Variants in CDH18 observed in about 807,000 individuals in gnomAD.
The protein encoded by CDH18 is cadherin-18.
Under a neutral mutation model 67.9 loss-of-function variants are expected in CDH18, and 31 were observed. The observed-to-expected ratio is 0.46, with a 90% CI of 0.34 to 0.62. The LOEUF (loss-of-function observed/expected upper bound fraction) is 0.62, where lower values mean the gene tolerates loss of function less well. Ranked by LOEUF, CDH18 falls within the 20% of genes least tolerant of loss-of-function variation. The pLI is 0.01. For synonymous variants in CDH18, 362 were observed against 347.2 expected (o/e 1.04, Z -0.48); for missense variants, 890 against 975.5 (o/e 0.91, Z 1.17).
At chr5:20,512,079 TG>T (rs1393827648) in intron 1 of CDH18, among the ~76,000 whole-genome samples, 1 of 151,694 alleles carries the variant, frequency 6.6e-6, no homozygotes, top group Non-Finnish European at 1.5e-5. Flanking sequence ...AAAAATTAGT[TG>T]GGTGTGCTGG....
At position 20,330,610 on chromosome 5, in the gene CDH18, A is replaced by C. The variant is rs1739080217; in HGVS notation, c.-579-75105T>G. ...TCTAGCAACATTTGATTGGTAGGTA[A>C]AGAACACCTCAAGTGAGCATGCTTA... On this transcript the variant is annotated intron_variant, in intron 1 of 14. Coordinates refer to the CDH18 transcript ENST00000507958. Among the ~76,000 whole-genome samples the C allele has an allele frequency of 3.9e-5, 6 of 152,272 alleles. 1 individual carries two copies. In the South Asian group the frequency reaches 1.2e-3, roughly 32 times the overall value.
At chr5:20,383,906 TAA>T (rs1015317114) in intron 1 of CDH18, among the ~76,000 whole-genome samples, 19 of 152,106 alleles carry the variant, frequency 1.2e-4, no homozygotes, top group African/African-American at 4.3e-4. Flanking sequence ...AATTGATATA[TAA>T]GTGACAATAT....
chr5:20,372,024 T>C (rs1021200356), intron 1 of CDH18, among the ~76,000 whole-genome samples: 2 of 152,226 alleles, frequency 1.3e-5, no homozygotes, highest in Non-Finnish European at 2.9e-5. Flanking sequence ...GAAGGTGATA[T>C]TGATAACTTC....
chr5:19,576,635 T>A (rs888242904), intron 7 of CDH18, among the ~76,000 whole-genome samples: 1 of 152,128 alleles, frequency 6.6e-6, no homozygotes, highest in Non-Finnish European at 1.5e-5. Flanking sequence ...AACACAGGAC[T>A]GTGGTTTTGT....
chr5:19,877,834 G>A (rs1471511843), intron 2 of CDH18, among the ~76,000 whole-genome samples: 1 of 152,024 alleles, frequency 6.6e-6, no homozygotes, highest in African/African-American at 2.4e-5. Flanking sequence ...CTTAAGATCT[G>A]GGAAAAGTTG....
intron 8 of CDH18, among the ~76,000 whole-genome samples, chr5:19,552,101 C>T (rs1737555796): frequency 6.6e-6 from 1 of 152,072 alleles, no homozygotes; most frequent in African/African-American, 2.4e-5. Flanking sequence ...CGTGTCTTAC[C>T]TATCCAGGCC....
chr5:19,839,053 A>G lies in CDH18; in HGVS notation c.-67T>C. ...TGTCAGCTACGAAAGCTTAGTGAGC[A>G]TTCAAGAGAGAAGCCAGAGCATCTT... On this transcript the variant is annotated 5_prime_UTR_variant, in exon 3 of 13. The change abolishes an upstream ATG in the 5' untranslated region. Transcript: ENST00000382275. 7.9e-7 allele frequency: 1 copy of G among 1,269,488 alleles called. No individual in the cohort carries two copies. Among genetic ancestry groups the G allele is most frequent in the Middle Eastern group, 1.9e-4 (1 of 5,370 alleles). 78.6% of individuals were successfully genotyped at this position (1,269,488 alleles called of 1,614,324 possible). A position where few individuals can be genotyped will look rare whatever the true frequency, so the allele number is the denominator to read the frequency against.
chr5:19,924,568 G>A (rs1036025512), intron 2 of CDH18, among the ~76,000 whole-genome samples: 7 of 152,156 alleles, frequency 4.6e-5, no homozygotes, highest in African/African-American at 1.4e-4. Flanking sequence ...GGTGATTGCA[G>A]TGAGCCCAGA....
chr5:20,449,268 G>A (rs920174804), intron 1 of CDH18, among the ~76,000 whole-genome samples: 6 of 152,068 alleles, frequency 3.9e-5, no homozygotes, highest in African/African-American at 1.4e-4. Context: ...AAATTGGAAA[G>A]AAGTTAGTGA....
At position 19,960,571 on chromosome 5, in the gene CDH18, G is replaced by A. The variant is rs868427215; in HGVS notation, c.-257+20489C>T. Reference sequence around the variant, plus strand: ...CGTGTGTGTGTGTGTATGTGTGTGTGTGTGTGTGTGTGTGTGTGTATATAT... The same window carrying A: ...CGTGTGTGTGTGTGTATGTGTGTGTATGTGTGTGTGTGTGTGTGTATATAT... On this transcript the variant is annotated intron_variant, in intron 2 of 12. Coordinates refer to ENST00000382275, the MANE Select transcript of CDH18 (RefSeq NM_004934.5). Among the ~76,000 whole-genome samples the A allele has an allele frequency of 8.9e-4, 111 of 124,460 alleles. 11 individuals are homozygous for A. The highest frequency in any genetic ancestry group is 4.5e-3 in the African/African-American group (105 of 23,124). 81.7% of individuals were successfully genotyped at this position (124,460 alleles called of 152,430 possible). A position where few individuals can be genotyped will look rare whatever the true frequency, so the allele number is the denominator to read the frequency against.
At chr5:20,168,779 T>A (rs1365928454) in intron 2 of CDH18, among the ~76,000 whole-genome samples, 1 of 152,112 alleles carries the variant, frequency 6.6e-6, no homozygotes, top group Non-Finnish European at 1.5e-5. Context: ...GAAAATGTGG[T>A]ACACAAACAA....
At chr5:19,655,411 T>C (rs2150288379) in intron 5 of CDH18, among the ~76,000 whole-genome samples, 1 of 151,778 alleles carries the variant, frequency 6.6e-6, no homozygotes, top group Non-Finnish European at 1.5e-5. Flanking sequence ...TGAATATATA[T>C]ATATTCACTA....
intron 5 of CDH18, among the ~76,000 whole-genome samples, chr5:19,694,186 T>A (rs529131298): frequency 1.3e-5 from 2 of 152,306 alleles, no homozygotes; most frequent in South Asian, 4.1e-4. Context: ...TTAATTTTTT[T>A]ATATATGTAT....
chr5:19,858,471 T>C (rs1456619479), intron 2 of CDH18, among the ~76,000 whole-genome samples: 1 of 152,178 alleles, frequency 6.6e-6, no homozygotes, highest in Non-Finnish European at 1.5e-5. Flanking sequence ...TGTGGCTTGA[T>C]AGCGCCAATA....
intron 1 of CDH18, among the ~76,000 whole-genome samples, chr5:20,532,638 C>A (rs953509267): frequency 1.3e-5 from 2 of 152,052 alleles, no homozygotes; most frequent in Non-Finnish European, 2.9e-5. Flanking sequence ...CATCTCTTAT[C>A]CCAGAATGTT....
In CDH18 at chr5:20,327,960, A is replaced by C. The variant is rs374774423; in HGVS notation, c.-579-72455T>G. On this transcript the variant is annotated intron_variant, in intron 1 of 14. Coordinates refer to the CDH18 transcript ENST00000507958. ...TCTGAAGGAAATAACAGTGACAACTATGTGAATATGTGGGGTTTTTATAGC... is the reference window on the plus strand; with the variant it reads ...TCTGAAGGAAATAACAGTGACAACTCTGTGAATATGTGGGGTTTTTATAGC... 1.3e-3 allele frequency among the ~76,000 whole-genome samples: 197 copies of C among 150,214 alleles called. 1 individual carries two copies. Among genetic ancestry groups the C allele is most frequent in the African/African-American group, 4.5e-3 (185 of 41,296 alleles).
chr5:20,419,626 C>T (rs982000614), intron 1 of CDH18, among the ~76,000 whole-genome samples: 21 of 144,380 alleles, frequency 1.5e-4, no homozygotes, highest in Non-Finnish European at 2.7e-4. Context: ...TACAGGCGCC[C>T]GCCACGACGC....
chr5:20,388,249 G>A lies in CDH18; in HGVS notation c.-579-132744C>T, dbSNP rs553993862. Among the ~76,000 whole-genome samples the A allele has an allele frequency of 2.6e-4, 40 of 152,254 alleles. No individual in the cohort carries two copies. In the East Asian group the frequency reaches 6.6e-3, roughly 25 times the overall value. ...AATTATTGCCTCAATTTCAGAACCT[G>A]TTATTGGTCTATTCAGAGATTCAAC... On this transcript the variant is annotated intron_variant, in intron 1 of 14. Coordinates refer to the CDH18 transcript ENST00000507958.
chr5:19,595,739 A>G (rs943271044), intron 6 of CDH18, among the ~76,000 whole-genome samples: 2 of 152,220 alleles, frequency 1.3e-5, no homozygotes, highest in African/African-American at 4.8e-5. Flanking sequence ...TGTTTAGTCA[A>G]TGTTCAACAA....
Sources: allele counts gnomAD v4.1 joint callset (sites outside exome capture counted in the v4.1 genomes callset), GRCh38; gene constraint gnomAD v4.1.1; transcripts MANE v1.5; gene names NCBI Gene and HGNC (gene_info 2026-07-23, HGNC 2026-07-21).